Variants in PCDHA6 observed in about 807,000 individuals in gnomAD.
The protein encoded by PCDHA6 is protocadherin alpha-6.
PCDHA6 carries 55 observed loss-of-function variants against 60.3 expected under a neutral mutation model. The ratio of observed to expected loss-of-function variants is 0.91; its 90% CI spans 0.73 to 1.14. PCDHA6 has a LOEUF of 1.14. Ranked by LOEUF, PCDHA6 falls within the 50% of genes most tolerant of loss-of-function variation. PCDHA6 has a pLI of 0.00. For missense variants in PCDHA6, 1,327 were observed against 1,256.5 expected, an observed-to-expected ratio of 1.06 and a Z score of -0.85; for synonymous variants, 652 against 557.9, an observed-to-expected ratio of 1.17 and a Z score of -2.38.
chr5:140,836,207 G>C (rs1227998553), intron 1 of PCDHA6: 74 of 1,613,726 alleles, frequency 4.6e-5, no homozygotes, highest in Non-Finnish European at 5.7e-5. Flanking sequence ...CGTGGCTTTC[G>C]TATGAGTTGC....
At chr5:140,857,404 T>G (rs150677637) in intron 1 of PCDHA6, 4 of 1,597,852 alleles carry the variant, frequency 2.5e-6, no homozygotes, top group African/African-American at 1.3e-5. Context: ...ACAACGCGCC[T>G]GCGTTCGCGC....
At chr5:140,841,784 G>C in intron 1 of PCDHA6, 4 of 1,613,930 alleles carry the variant, frequency 2.5e-6, no homozygotes, top group African/African-American at 1.3e-5. Flanking sequence ...GTTTCCGCTA[G>C]AGGGCGCGTC....
chr5:140,877,699 A>G (rs1554169995), intron 1 of PCDHA6: 2 of 1,613,896 alleles, frequency 1.2e-6, no homozygotes, highest in Middle Eastern at 1.7e-4. Flanking sequence ...GGTGTGCTCC[A>G]GCGCCGTGGG....
chr5:140,848,892 T>A (rs2150423742), intron 1 of PCDHA6: 2 of 1,601,494 alleles, frequency 1.2e-6, no homozygotes, highest in East Asian at 2.2e-5. Context: ...CCCTCCAGTG[T>A]TCCCAGCGAC....
chr5:140,839,760 C>T (rs1554137571), intron 1 of PCDHA6, among the ~76,000 whole-genome samples: 1 of 151,820 alleles, frequency 6.6e-6, no homozygotes, highest in Admixed American at 6.6e-5. Flanking sequence ...CCTATTTAAC[C>T]TACGTTTTTG....
At chr5:140,949,544 T>A (rs981428881) in intron 1 of PCDHA6, among the ~76,000 whole-genome samples, 1 of 151,908 alleles carries the variant, frequency 6.6e-6, no homozygotes, top group Non-Finnish European at 1.5e-5. Flanking sequence ...TATCGATTTG[T>A]TGCTGGTCAT....
intron 1 of PCDHA6, chr5:140,867,487 T>C (rs1020782942): frequency 1.3e-5 from 2 of 152,026 alleles, no homozygotes; most frequent in African/African-American, 4.8e-5. Context: ...AGAGTAAATA[T>C]GAAAAAAGTA....
At chr5:140,896,451 C>T (rs1173407136) in intron 1 of PCDHA6, among the ~76,000 whole-genome samples, 1 of 152,112 alleles carries the variant, frequency 6.6e-6, no homozygotes, top group Non-Finnish European at 1.5e-5. Flanking sequence ...CAACCTCCAC[C>T]TCCTGGGTTC....
chr5:140,846,435 C>T (rs1355633400), intron 1 of PCDHA6, among the ~76,000 whole-genome samples: 1 of 133,632 alleles, frequency 7.5e-6, no homozygotes, highest in Non-Finnish European at 1.6e-5. Flanking sequence ...AATGCAGTGG[C>T]GCAATCTCGG....
chr5:140,854,123 CT>C (rs1554147020), intron 1 of PCDHA6: 1 of 348,562 alleles, frequency 2.9e-6, no homozygotes, highest in Non-Finnish European at 3.9e-6. Context: ...GATGGCACAA[CT>C]GCATTTCAGC....
intron 1 of PCDHA6, chr5:140,877,685 C>A (rs377753884): frequency 1.2e-6 from 2 of 1,613,628 alleles, no homozygotes; most frequent in Non-Finnish European, 1.7e-6. Context: ...GGCAAGCCCA[C>A]GCTGGTGTGC....
intron 1 of PCDHA6, chr5:140,967,045 C>T: frequency 6.2e-7 from 1 of 1,612,250 alleles, no homozygotes. Flanking sequence ...TGGAGCTGGA[C>T]CTGACGAGTG....
At chr5:140,915,572 C>A (rs2077180575) in intron 1 of PCDHA6, among the ~76,000 whole-genome samples, 1 of 151,988 alleles carries the variant, frequency 6.6e-6, no homozygotes, top group Non-Finnish European at 1.5e-5. Flanking sequence ...ATCTGGATTG[C>A]CAGGCAAAAG....
At chr5:140,870,030 T>C (rs782502508) in intron 1 of PCDHA6, 4 of 1,613,662 alleles carry the variant, frequency 2.5e-6, no homozygotes, top group Admixed American at 1.7e-5. Context: ...CTTTAGATTA[T>C]GAAGAAAACA....
chr5:140,908,778 C>G (rs1452710808), intron 1 of PCDHA6, among the ~76,000 whole-genome samples: 1 of 152,184 alleles, frequency 6.6e-6, no homozygotes, highest in Non-Finnish European at 1.5e-5. Flanking sequence ...GTAGAGTCTT[C>G]TCCTGTTCTG....
intron 1 of PCDHA6, chr5:140,842,695 C>A (rs1554139285): frequency 6.3e-7 from 1 of 1,595,194 alleles, no homozygotes. Context: ...TCGCGCAGCC[C>A]GAGTACACGG....
At chr5:140,882,150 C>A in intron 1 of PCDHA6, 1 of 1,501,768 alleles carries the variant, frequency 6.7e-7, no homozygotes, top group Non-Finnish European at 8.9e-7. Context: ...TAGCAGAAAG[C>A]GGAATACCTC....
chr5:140,871,625 A>C (rs1360108001), intron 1 of PCDHA6: 1 of 1,403,018 alleles, frequency 7.1e-7, no homozygotes, highest in Non-Finnish European at 9.4e-7. Context: ...TTAGATAACA[A>C]TGTCTGTTCA....
intron 1 of PCDHA6, chr5:140,853,318 A>C (rs2042706802): frequency 1.2e-5 from 12 of 984,648 alleles, no homozygotes; most frequent in Non-Finnish European, 1.5e-5. Context: ...CTTAGTAATA[A>C]ATTTATCTTT....
Sources: gnomAD v4.1 joint callset for allele counts (sites outside exome capture counted in the v4.1 genomes callset) on GRCh38, gnomAD v4.1.1 for gene constraint, MANE v1.5 for transcripts, NCBI Gene and HGNC (gene_info 2026-07-23, HGNC 2026-07-21) for gene names.